CUX1: variants seen among roughly 807,000 people sequenced by gnomAD.
CUX1 encodes the protein protein CASP.
In CUX1, 31 loss-of-function variants were observed where a neutral mutation model predicts 158.8. That is an observed-to-expected ratio of 0.20 (90% confidence interval 0.15 to 0.26). The LOEUF (loss-of-function observed/expected upper bound fraction) is 0.26. Ranked by LOEUF, CUX1 falls within the 10% of genes least tolerant of loss-of-function variation. The probability of loss-of-function intolerance (pLI) is 1.00; values close to 1 mark genes in which losing one functional copy is unlikely to be tolerated. For synonymous variants in CUX1, 879 were observed against 862.1 expected, an observed-to-expected ratio of 1.02 and a Z score of -0.34; for missense variants, 1,589 against 2,014.6, an observed-to-expected ratio of 0.79 and a Z score of 4.04.
chr7:101,941,384 G>C (rs1044376465), intron 2 of CUX1, among the ~76,000 whole-genome samples: 2 of 152,230 alleles, frequency 1.3e-5, no homozygotes, highest in African/African-American at 4.8e-5. Flanking sequence ...TTGCGGGTCT[G>C]CTTAGCGGTA....
intron 10 of CUX1, among the ~76,000 whole-genome samples, chr7:102,172,689 C>T (rs1465289696): frequency 1.3e-5 from 2 of 152,154 alleles, no homozygotes; most frequent in Non-Finnish European, 2.9e-5. Flanking sequence ...AATTATTCCC[C>T]AGGAATGAAT....
intron 17 of CUX1, among the ~76,000 whole-genome samples, chr7:102,276,935 G>C (rs1476697025): frequency 6.6e-6 from 1 of 152,148 alleles, no homozygotes; most frequent in Non-Finnish European, 1.5e-5. Flanking sequence ...TTGAAATGCT[G>C]ATGTTTATGT....
At chr7:102,236,655 CAG>C (rs372501795) in intron 22 of CUX1, among the ~76,000 whole-genome samples, 14 of 152,230 alleles carry the variant, frequency 9.2e-5, no homozygotes, top group African/African-American at 2.9e-4. Context: ...TAGATCTGTG[CAG>C]AGTTTCCCGT....
intron 3 of CUX1, among the ~76,000 whole-genome samples, chr7:102,069,176 T>A (rs365397): frequency 6.6e-6 from 1 of 152,034 alleles, no homozygotes; most frequent in African/African-American, 2.4e-5. Context: ...CGTCCGAGGG[T>A]TCTCTTCCTC....
chr7:102,150,844 T>C (rs966639408), intron 8 of CUX1, among the ~76,000 whole-genome samples: 1 of 152,226 alleles, frequency 6.6e-6, no homozygotes, highest in Non-Finnish European at 1.5e-5. Context: ...CTATTTGAAG[T>C]CAGAGCTGAG....
intron 1 of CUX1, among the ~76,000 whole-genome samples, chr7:101,821,463 C>T (rs1475883798): frequency 6.6e-6 from 1 of 151,264 alleles, no homozygotes; most frequent in Non-Finnish European, 1.5e-5. Flanking sequence ...CTCAGCCTCC[C>T]GAGTAGCTGG....
At chr7:101,914,478 T>TC (rs1257996957) in intron 1 of CUX1, among the ~76,000 whole-genome samples, 2 of 142,802 alleles carry the variant, frequency 1.4e-5, no homozygotes, top group African/African-American at 5.2e-5. Context: ...TTCCTTCCCT[T>TC]CTTCCTTCCT....
chr7:101,833,750 T>C (rs1003051131), intron 1 of CUX1, among the ~76,000 whole-genome samples: 1 of 152,024 alleles, frequency 6.6e-6, no homozygotes, highest in South Asian at 2.1e-4. Context: ...CATCAGACCC[T>C]AAAACAGAGC....
intron 2 of CUX1, among the ~76,000 whole-genome samples, chr7:101,917,955 C>T (rs556576349): frequency 1.3e-5 from 2 of 152,212 alleles, no homozygotes; most frequent in South Asian, 4.1e-4. Flanking sequence ...GGCAACATAA[C>T]AAGACTCATC....
chr7:101,820,545 A>G (rs1003252570), intron 1 of CUX1, among the ~76,000 whole-genome samples: 6 of 152,228 alleles, frequency 3.9e-5, no homozygotes, highest in Non-Finnish European at 8.8e-5. Flanking sequence ...TGAATACATA[A>G]CTTTAAAAAA....
At chr7:102,021,808 G>A (rs535856083) in intron 2 of CUX1, among the ~76,000 whole-genome samples, 3 of 152,106 alleles carry the variant, frequency 2.0e-5, no homozygotes, top group South Asian at 4.2e-4. Context: ...TGATCTGCCC[G>A]CTTCAGCCTC....
At chr7:101,858,090 T>C (rs765909689) in intron 1 of CUX1, among the ~76,000 whole-genome samples, 2 of 152,178 alleles carry the variant, frequency 1.3e-5, no homozygotes, top group Non-Finnish European at 2.9e-5. Flanking sequence ...GCCACTGCAC[T>C]CCAACCTGGG....
At chr7:102,116,314 C>T (rs1033440422) in intron 8 of CUX1, among the ~76,000 whole-genome samples, 2 of 152,158 alleles carry the variant, frequency 1.3e-5, no homozygotes, top group East Asian at 3.9e-4. Context: ...AGCCCAGCTT[C>T]GTAGCCTGGT....
chr7:102,161,651 T>C (rs1197521666), intron 9 of CUX1, among the ~76,000 whole-genome samples: 4 of 152,220 alleles, frequency 2.6e-5, no homozygotes. Context: ...ACTCTTGTCA[T>C]CTAGGCTGGA....
intron 15 of CUX1, chr7:102,274,195 C>T (rs1439059266): frequency 1.2e-5 from 19 of 1,556,234 alleles, no homozygotes; most frequent in Non-Finnish European, 1.5e-5. Flanking sequence ...GGGAATATTC[C>T]GTGCCCATTG....
At chr7:102,233,246 T>TG (rs1554531430) in intron 21 of CUX1, among the ~76,000 whole-genome samples, 1 of 144,278 alleles carries the variant, frequency 6.9e-6, no homozygotes, top group East Asian at 2.1e-4. Context: ...AGTGCAGTGG[T>TG]GCAATCATAG....
At chr7:101,991,618 A>G (rs1815141979) in intron 2 of CUX1, among the ~76,000 whole-genome samples, 1 of 152,050 alleles carries the variant, frequency 6.6e-6, no homozygotes, top group Non-Finnish European at 1.5e-5. Context: ...AATTAGCTGG[A>G]CGTGGTGGTG....
intron 6 of CUX1, among the ~76,000 whole-genome samples, chr7:102,108,736 T>TTGTGTG (rs10527026): frequency 0.085 from 12,279 of 145,002 alleles, 543 homozygotes; most frequent in Middle Eastern, 0.17. Flanking sequence ...TTCATTCATT[T>TTGTGTG]TGTGTGTGTG....
At chr7:102,063,422 T>C (rs1372721046) in intron 3 of CUX1, among the ~76,000 whole-genome samples, 2 of 122,574 alleles carry the variant, frequency 1.6e-5, no homozygotes, top group African/African-American at 5.9e-5. Flanking sequence ...GGAGTCTCAC[T>C]CTGTCGCCCA....
Sources: allele counts gnomAD v4.1 joint callset (sites outside exome capture counted in the v4.1 genomes callset), GRCh38; gene constraint gnomAD v4.1.1; transcripts MANE v1.5; gene names NCBI Gene and HGNC (gene_info 2026-07-23, HGNC 2026-07-21).